NINL: variants seen among roughly 807,000 people sequenced by gnomAD.
NINL encodes ninein-like protein.
A neutral mutation model predicts 160.3 loss-of-function variants in NINL; 153 were observed. The ratio of observed to expected loss-of-function variants is 0.95; its 90% CI spans 0.84 to 1.09. The LOEUF is 1.09. Among genes scored for constraint, NINL ranks in the 50% least tolerant of loss-of-function variants. The probability of loss-of-function intolerance (pLI) is 0.00; values close to 1 mark genes in which losing one functional copy is unlikely to be tolerated. For missense variants in NINL, 1,829 were observed against 1,764.0 expected (o/e 1.04, Z -0.66); for synonymous variants, 800 against 734.8 (o/e 1.09, Z -1.43).
At chr20:25,561,653 G>A (rs1224273278) in intron 1 of NINL, among the ~76,000 whole-genome samples, 11 of 144,296 alleles carry the variant, frequency 7.6e-5, no homozygotes, top group Admixed American at 3.4e-4. Context: ...GCCGCCCATC[G>A]TCTGAGATGT....
chr20:25,491,530 A>C lies in NINL; in HGVS notation c.1311-5T>G, dbSNP rs1347844032. ...CGGTACCCCTGCTCCAGATGCCTGT[A>C]ACATGTCACACATCACACGTCAGAC... On this transcript the variant is annotated splice_region_variant and splice_polypyrimidine_tract_variant and intron_variant, in intron 10 of 23. Transcript: ENST00000278886. The C allele has an allele frequency of 6.2e-7, 1 of 1,612,770 alleles. No homozygotes were observed. Among genetic ancestry groups the C allele is most frequent in the Non-Finnish European group, 8.5e-7 (1 of 1,179,292 alleles).
chr20:25,505,681 T>C (rs1331915317), intron 5 of NINL, among the ~76,000 whole-genome samples: 1 of 152,126 alleles, frequency 6.6e-6, no homozygotes, highest in East Asian at 1.9e-4. Context: ...AGCACAGCAA[T>C]GCTGGTCAGT....
At chr20:25,574,434 G>A (rs2065091615) in intron 1 of NINL, among the ~76,000 whole-genome samples, 1 of 152,036 alleles carries the variant, frequency 6.6e-6, no homozygotes. Flanking sequence ...AGGAGGAGAT[G>A]TGAAGACCCA....
intron 1 of NINL, among the ~76,000 whole-genome samples, chr20:25,535,612 C>T (rs958740583): frequency 1.2e-4 from 18 of 152,014 alleles, no homozygotes; most frequent in African/African-American, 3.6e-4. Context: ...GTTAACATTA[C>T]AGAACTGTAC....
chr20:25,455,766 C>T lies in NINL; in HGVS notation c.3864G>A (p.Leu1288=), dbSNP rs1298248030. The stretch of plus-strand genomic sequence containing the variant: ...CTTCCACCCGCTCTTCTGTGGCTTT[C>T]AGCTGTTTCTCATGTTCTTCCTGCC... ...DAQREEHEKQ[L]KATEERVEEA... Residue 1288 remains leucine, a synonymous_variant, in exon 23 of 24, where the codon CTG becomes CTA. Coordinates refer to ENST00000278886, the MANE Select transcript of NINL (RefSeq NM_025176.6). 1.9e-6 allele frequency: 3 copies of T among 1,614,126 alleles called. No individual in the cohort carries two copies. The highest frequency in any genetic ancestry group is 2.5e-6 in the Non-Finnish European group (3 of 1,179,958).
In NINL at chr20:25,535,233, C is replaced by T. The variant is rs570636281; in HGVS notation, c.-11-8635G>A. Among the ~76,000 whole-genome samples the T allele has an allele frequency of 1.2e-4, 19 of 152,224 alleles. No homozygotes were observed. In the South Asian group the frequency reaches 3.1e-3, roughly 25 times the overall value. On this transcript the variant is annotated intron_variant, in intron 1 of 23. Coordinates refer to ENST00000278886, the MANE Select transcript of NINL (RefSeq NM_025176.6). ...AGAGCAGCTGGCCGCAGAGAAGCTA[C>T]GAGTGAACAGAAGTGGCCAGGGGCT...
At chr20:25,527,316 G>A (rs2064378268) in intron 1 of NINL, among the ~76,000 whole-genome samples, 1 of 152,012 alleles carries the variant, frequency 6.6e-6, no homozygotes, top group Non-Finnish European at 1.5e-5. Flanking sequence ...ACCACTCCCA[G>A]CTAATTTTTC....
At chr20:25,457,183 G>A (rs1233442755) in intron 22 of NINL, among the ~76,000 whole-genome samples, 2 of 152,058 alleles carry the variant, frequency 1.3e-5, no homozygotes, top group Non-Finnish European at 2.9e-5. Flanking sequence ...AATTAGCTGG[G>A]CATGGTGATG....
At chr20:25,496,115 C>T (rs1477222209) in intron 10 of NINL, among the ~76,000 whole-genome samples, 1 of 152,162 alleles carries the variant, frequency 6.6e-6, no homozygotes, top group Non-Finnish European at 1.5e-5. Flanking sequence ...CACTGCACTC[C>T]AGCCTGGGAT....
intron 19 of NINL, among the ~76,000 whole-genome samples, chr20:25,464,611 TCTC>T (rs2062867644): frequency 6.6e-6 from 1 of 152,050 alleles, no homozygotes; most frequent in African/African-American, 2.4e-5. Flanking sequence ...TGTCTTCCCT[TCTC>T]CACAGCCGCC....
chr20:25,471,262 A>G (rs908539491), intron 17 of NINL, among the ~76,000 whole-genome samples: 1 of 152,204 alleles, frequency 6.6e-6, no homozygotes, highest in Non-Finnish European at 1.5e-5. Flanking sequence ...CTGGGATCAC[A>G]GATGTGAGCC....
At chr20:25,458,232 T>C (rs416745) in intron 22 of NINL, 151 bp downstream of exon 22, 480,584 of 1,067,090 alleles carry the variant, frequency 0.45, 114,181 homozygotes, top group East Asian at 0.92. Flanking sequence ...CCACACTGCC[T>C]CTCTCCCTAC....
chr20:25,477,156 C>A, intron 16 of NINL, 67 bp from the exon 17 acceptor site: 1 of 1,423,208 alleles, frequency 7.0e-7, no homozygotes, highest in Non-Finnish European at 9.3e-7. Context: ...GGTTTGAAGT[C>A]TGCCCAGCTG....
intron 1 of NINL, among the ~76,000 whole-genome samples, chr20:25,542,578 T>C (rs934782381): frequency 2.6e-5 from 4 of 151,640 alleles, no homozygotes; most frequent in African/African-American, 9.7e-5. Flanking sequence ...TATAGCCATA[T>C]GGTCAAACCT....
intron 11 of NINL, 142 bp from the exon 12 acceptor site, chr20:25,490,127 G>A (rs777814753): frequency 3.2e-5 from 24 of 755,304 alleles, no homozygotes; most frequent in East Asian, 5.2e-5. Flanking sequence ...ACCTGGTGCT[G>A]TGCAGGCGGC....
At chr20:25,489,828 C>A (rs781542653) in intron 12 of NINL, 47 bp downstream of exon 12, 2 of 1,558,774 alleles carry the variant, frequency 1.3e-6, no homozygotes, top group South Asian at 2.2e-5. Context: ...CCACTCTGCC[C>A]AGCAGGCCCT....
At position 25,480,205 on chromosome 20, in the gene NINL, C is replaced by A; in HGVS notation, c.1873G>T (p.Val625Leu). The change falls in exon 15 of 24, where the codon GTA becomes TTA. Residue 625 changes from valine to leucine, a missense_variant. Val to Leu is a conservative substitution (Grantham distance 32, BLOSUM62 1). Transcript: ENST00000278886. ...CTGAGGTCTTGGTAATGCTCCTTTA[C>A]CTGCTCCATCATCAGCTCCGTTTCT... ...SIETELMMEQ[V>L]KEHYQDLRTQ... 6.2e-7 allele frequency: 1 copy of A among 1,614,116 alleles called. No homozygotes were observed. The highest frequency in any genetic ancestry group is 8.5e-7 in the Non-Finnish European group (1 of 1,180,024).
At chr20:25,535,454 T>C (rs1392123578) in intron 1 of NINL, among the ~76,000 whole-genome samples, 2 of 152,236 alleles carry the variant, frequency 1.3e-5, no homozygotes, top group Non-Finnish European at 2.9e-5. Flanking sequence ...GATATGTTAA[T>C]TAGCTAGATT....
At chr20:25,581,070 GT>G (rs2065169649) in intron 1 of NINL, among the ~76,000 whole-genome samples, 1 of 152,324 alleles carries the variant, frequency 6.6e-6, no homozygotes, top group Middle Eastern at 3.4e-3. Flanking sequence ...CACTGCTCCT[GT>G]TTTTGCTTCC....
Sources: gnomAD v4.1 joint callset for allele counts (sites outside exome capture counted in the v4.1 genomes callset) on GRCh38, gnomAD v4.1.1 for gene constraint, MANE v1.5 for transcripts, NCBI Gene and HGNC (gene_info 2026-07-23, HGNC 2026-07-21) for gene names.